LMBR1: variants seen among roughly 807,000 people sequenced by gnomAD.
LMBR1 encodes limb region 1 protein homolog.
A neutral mutation model predicts 73.9 loss-of-function variants in LMBR1; 52 were observed. The ratio of observed to expected loss-of-function variants is 0.70; its 90% CI spans 0.56 to 0.89. The LOEUF (loss-of-function observed/expected upper bound fraction) is 0.89. LMBR1 is among the 40% of genes least tolerant of loss of function. LMBR1 has a pLI of 0.00. For missense variants in LMBR1, 539 were observed against 579.8 expected (o/e 0.93, Z 0.72); for synonymous variants, 215 against 209.4 (o/e 1.03, Z -0.23).
At chr7:156,821,552 C>A (rs1380689488) in intron 4 of LMBR1, among the ~76,000 whole-genome samples, 1 of 152,126 alleles carries the variant, frequency 6.6e-6, no homozygotes, top group African/African-American at 2.4e-5. Flanking sequence ...TGGACCATGG[C>A]CAATGGTTTG....
intron 5 of LMBR1, among the ~76,000 whole-genome samples, chr7:156,776,106 T>C (rs1271698616): frequency 1.3e-5 from 2 of 148,600 alleles, no homozygotes; most frequent in Non-Finnish European, 3.0e-5. Flanking sequence ...TTTATATATG[T>C]AAATTATATA....
intron 1 of LMBR1, among the ~76,000 whole-genome samples, chr7:156,845,282 G>A (rs1839407078): frequency 6.6e-6 from 1 of 152,090 alleles, no homozygotes. Context: ...CCATAGCAGA[G>A]AGGTCACAGA....
At chr7:156,874,200 C>A (rs946903709) in intron 1 of LMBR1, among the ~76,000 whole-genome samples, 5 of 152,246 alleles carry the variant, frequency 3.3e-5, no homozygotes, top group Non-Finnish European at 5.9e-5. Context: ...GCCAGTGGGC[C>A]GGCACCGCTG....
chr7:156,714,051 C>G (rs866672519), intron 15 of LMBR1, among the ~76,000 whole-genome samples: 2 of 152,148 alleles, frequency 1.3e-5, no homozygotes, highest in Admixed American at 6.5e-5. Flanking sequence ...GAAGACAAGA[C>G]TTTTTAAACA....
intron 1 of LMBR1, among the ~76,000 whole-genome samples, chr7:156,848,428 G>GA (rs1443053958): frequency 1.3e-5 from 2 of 152,120 alleles, no homozygotes; most frequent in Non-Finnish European, 2.9e-5. Context: ...ACAAGCATAT[G>GA]AAAAAATGCT....
chr7:156,755,331 A>C (rs1821668635), intron 9 of LMBR1, among the ~76,000 whole-genome samples: 1 of 152,244 alleles, frequency 6.6e-6, no homozygotes, highest in African/African-American at 2.4e-5. Context: ...GAAAGTGAGA[A>C]AGGCTGTATT....
chr7:156,860,381 C>T (rs571721033), intron 1 of LMBR1, among the ~76,000 whole-genome samples: 5 of 152,218 alleles, frequency 3.3e-5, no homozygotes, highest in Non-Finnish European at 7.4e-5. Flanking sequence ...AAGAACAGCA[C>T]GGGAAAGACC....
chr7:156,723,305 C>CA (rs1815001369), intron 15 of LMBR1, among the ~76,000 whole-genome samples: 1 of 152,008 alleles, frequency 6.6e-6, no homozygotes, highest in Non-Finnish European at 1.5e-5. Flanking sequence ...AAAAGCAACT[C>CA]AAAGTTACCA....
intron 1 of LMBR1, among the ~76,000 whole-genome samples, chr7:156,838,616 T>G (rs567683565): frequency 1.0e-3 from 155 of 152,376 alleles, no homozygotes; most frequent in Middle Eastern, 3.4e-3. Flanking sequence ...TCCACTCATC[T>G]GCTGGCAGAC....
chr7:156,766,416 T>C (rs577079811), intron 5 of LMBR1, among the ~76,000 whole-genome samples: 1 of 152,284 alleles, frequency 6.6e-6, no homozygotes, highest in East Asian at 1.9e-4. Context: ...AGGAAGCTTG[T>C]GCACTCGGTT....
At chr7:156,828,021 G>A (rs964607490) in intron 3 of LMBR1, among the ~76,000 whole-genome samples, 2 of 152,178 alleles carry the variant, frequency 1.3e-5, no homozygotes, top group Non-Finnish European at 2.9e-5. Context: ...CTCTGGCAGC[G>A]ACCAGCCAGC....
At chr7:156,739,964 A>G (rs1473181374) in intron 9 of LMBR1, among the ~76,000 whole-genome samples, 1 of 152,186 alleles carries the variant, frequency 6.6e-6, no homozygotes, top group East Asian at 1.9e-4. Flanking sequence ...CAGAATTCAA[A>G]ATGGCTGTTT....
At chr7:156,726,182 C>A (rs897156522) in intron 12 of LMBR1, 15 of 197,088 alleles carry the variant, frequency 7.6e-5, no homozygotes, top group Non-Finnish European at 1.1e-4. Context: ...TTTTTAAAAA[C>A]ACAATAGAAA....
At chr7:156,749,778 C>G (rs1820499744) in intron 9 of LMBR1, among the ~76,000 whole-genome samples, 1 of 152,134 alleles carries the variant, frequency 6.6e-6, no homozygotes, top group African/African-American at 2.4e-5. Context: ...CAACCTCCCC[C>G]TCCCAGGTTC....
intron 4 of LMBR1, among the ~76,000 whole-genome samples, chr7:156,798,731 G>C (rs1287609233): frequency 6.6e-6 from 1 of 151,994 alleles, no homozygotes; most frequent in Non-Finnish European, 1.5e-5. Context: ...AGAGAACCAT[G>C]GTTGTTAATC....
At chr7:156,749,355 G>A (rs555028716) in intron 9 of LMBR1, among the ~76,000 whole-genome samples, 2 of 152,252 alleles carry the variant, frequency 1.3e-5, no homozygotes, top group Admixed American at 1.3e-4. Context: ...AAATGTCTCT[G>A]ACAGACTACT....
At chr7:156,849,402 G>T (rs76095703) in intron 1 of LMBR1, among the ~76,000 whole-genome samples, 2 of 152,086 alleles carry the variant, frequency 1.3e-5, no homozygotes, top group South Asian at 4.1e-4. Context: ...CAGGTACTAC[G>T]TTTCTTATCT....
chr7:156,833,758 C>T lies in LMBR1; in HGVS notation c.174G>A (p.Arg58=). The T allele has an allele frequency of 1.3e-6, 2 of 1,598,760 alleles. No individual in the cohort carries two copies. The highest frequency in any genetic ancestry group is 2.3e-5 in the South Asian group (2 of 87,796). ...CTGAACTTTAAAATACATACGAAAT[C>T]CTGTTGACGATGGCATCTTCATCTT... is the stretch of plus-strand genomic sequence containing the variant. ...EQEDEDAIVN[R]ISLFLSTFTL... The change falls in exon 3 of 17, where the codon AGG becomes AGA. Residue 58 remains arginine, a synonymous_variant. Transcript: ENST00000353442.
chr7:156,852,071 C>T (rs764163026), intron 1 of LMBR1, among the ~76,000 whole-genome samples: 4 of 152,012 alleles, frequency 2.6e-5, no homozygotes, highest in Non-Finnish European at 5.9e-5. Context: ...ATAGCTGCCA[C>T]TTGAGACTTT....
Sources: allele counts gnomAD v4.1 joint callset (sites outside exome capture counted in the v4.1 genomes callset), GRCh38; gene constraint gnomAD v4.1.1; transcripts MANE v1.5; gene names NCBI Gene and HGNC (gene_info 2026-07-23, HGNC 2026-07-21).